The following GADL1 variants were observed in gnomAD, a reference collection of about 807,000 sequenced individuals.
GADL1 encodes GAD like acidic amino acid decarboxylase 1.
GADL1 carries 71 observed loss-of-function variants against 69.5 expected under a neutral mutation model. The observed-to-expected ratio is 1.02, with a 90% CI of 0.84 to 1.25. The LOEUF is 1.25. Ranked by LOEUF, GADL1 falls within the 50% of genes most tolerant of loss-of-function variation. GADL1 has a pLI of 0.00. For synonymous variants in GADL1, 254 were observed against 214.4 expected, an observed-to-expected ratio of 1.18 and a Z score of -1.62; for missense variants, 737 against 631.8, an observed-to-expected ratio of 1.17 and a Z score of -1.79.
intron 1 of GADL1, among the ~76,000 whole-genome samples, chr3:30,872,705 T>A (rs1698509999): frequency 6.6e-6 from 1 of 151,930 alleles, no homozygotes; most frequent in African/African-American, 2.4e-5. Flanking sequence ...CCTGTCTTAT[T>A]TAAGACCTAA....
At position 30,782,202 on chromosome 3, in the gene GADL1, G is replaced by A. The variant is rs1057294639; in HGVS notation, c.1303-3934C>T. Among the ~76,000 whole-genome samples, 3 of 152,180 alleles carry A rather than the reference G, an allele frequency of 2.0e-5. No individual in the cohort carries two copies. In the East Asian group the frequency reaches 5.8e-4, roughly 29 times the overall value. On this transcript the variant is annotated intron_variant, in intron 13 of 14. Transcript: ENST00000282538. Reference sequence around the variant, plus strand: ...TCTAGAGGAACATGGAGTCACTGGAGAGTTTCACTATAGGAAATAGATCTC... The same window carrying A: ...TCTAGAGGAACATGGAGTCACTGGAAAGTTTCACTATAGGAAATAGATCTC...
intron 14 of GADL1, among the ~76,000 whole-genome samples, chr3:30,768,869 A>G (rs1696350306): frequency 6.6e-6 from 1 of 152,150 alleles, no homozygotes; most frequent in African/African-American, 2.4e-5. Context: ...TTAGTGTGTC[A>G]TTTTCCAGCT....
chr3:30,739,120 A>C (rs1695579493), intron 14 of GADL1, among the ~76,000 whole-genome samples: 1 of 152,194 alleles, frequency 6.6e-6, no homozygotes, highest in Non-Finnish European at 1.5e-5. Flanking sequence ...GAACCTGCAT[A>C]TCAGGCTTGG....
intron 4 of GADL1, among the ~76,000 whole-genome samples, chr3:30,851,832 T>A (rs1285545407): frequency 1.3e-5 from 2 of 152,162 alleles, no homozygotes; most frequent in African/African-American, 2.4e-5. Context: ...TCGTCACTCA[T>A]GTTGATCCCA....
Position 30,820,199 on chromosome 3 carries a change from G to A in GADL1, c.1050+13654C>T, listed in dbSNP as rs139646766. ...TGTTAACATAAATTTAGTTTAAGGA[G>A]TAAATTGATAGAATTACCTTATTTG... On this transcript the variant is annotated intron_variant, in intron 11 of 14. Coordinates refer to ENST00000282538, the MANE Select transcript of GADL1 (RefSeq NM_207359.3). Among the ~76,000 whole-genome samples, 557 of 151,934 alleles carry A rather than the reference G, an allele frequency of 3.7e-3. 4 individuals are homozygous for A. The highest frequency in any genetic ancestry group is 4.8e-3 in the Non-Finnish European group (329 of 67,912).
chr3:30,789,691 C>G (rs1696872794), intron 12 of GADL1, among the ~76,000 whole-genome samples: 1 of 152,172 alleles, frequency 6.6e-6, no homozygotes, highest in African/African-American at 2.4e-5. Context: ...ATAACTTGCT[C>G]AGTTTCTCCA....
chr3:30,752,195 G>A (rs1211294243), intron 14 of GADL1, among the ~76,000 whole-genome samples: 1 of 152,052 alleles, frequency 6.6e-6, no homozygotes, highest in Non-Finnish European at 1.5e-5. Flanking sequence ...AGTTCTCTCA[G>A]GTAACTTTAG....
rs533597617 is a variant in GADL1 at position 30,845,760 on chromosome 3, C to T, written c.652-1294G>A. 1.4e-4 allele frequency among the ~76,000 whole-genome samples: 22 copies of T among 152,200 alleles called. 1 individual carries two copies. The highest frequency in any genetic ancestry group is 4.6e-4 in the African/African-American group (19 of 41,528). On this transcript the variant is annotated intron_variant, in intron 6 of 14. Coordinates refer to ENST00000282538, the MANE Select transcript of GADL1 (RefSeq NM_207359.3). ...TGCTCCACCAGCCTATGCTGGCTGGCGGTAACCTGCCTGCCATAGCTAAGG... is the reference window on the plus strand; with the variant it reads ...TGCTCCACCAGCCTATGCTGGCTGGTGGTAACCTGCCTGCCATAGCTAAGG...
At chr3:30,762,472 AAT>A (rs1366913827) in intron 14 of GADL1, among the ~76,000 whole-genome samples, 4 of 152,172 alleles carry the variant, frequency 2.6e-5, no homozygotes, top group African/African-American at 4.8e-5. Context: ...ACATTTTTAT[AAT>A]AAACTTTTAA....
intron 13 of GADL1, among the ~76,000 whole-genome samples, chr3:30,784,922 G>T (rs1696755105): frequency 6.6e-6 from 1 of 152,062 alleles, no homozygotes. Flanking sequence ...TTTTTTGGCT[G>T]CTCAAAGACA....
chr3:30,816,045 A>T (rs1352574548), intron 11 of GADL1, among the ~76,000 whole-genome samples: 1 of 152,088 alleles, frequency 6.6e-6, no homozygotes, highest in Non-Finnish European at 1.5e-5. Flanking sequence ...ATGGGTTACT[A>T]TATTTATCCA....
chr3:30,888,355 T>C (rs565279923), intron 1 of GADL1, among the ~76,000 whole-genome samples: 1 of 152,310 alleles, frequency 6.6e-6, no homozygotes, highest in Admixed American at 6.5e-5. Flanking sequence ...TTGGGTGTTC[T>C]ATGTGTGCAT....
Position 30,765,706 on chromosome 3 carries a change from C to T in GADL1, c.1392+12473G>A, listed in dbSNP as rs1472036836. The stretch of plus-strand genomic sequence containing the variant: ...TATTTTGCATGAGTTTTTGTACTAG[C>T]CAGGCTTGGAAGGGTTGAAACTCAA... On this transcript the variant is annotated intron_variant, in intron 14 of 14. Coordinates refer to ENST00000282538, the MANE Select transcript of GADL1 (RefSeq NM_207359.3). Among the ~76,000 whole-genome samples the T allele has an allele frequency of 2.6e-5, 4 of 152,256 alleles. No individual in the cohort carries two copies. In the East Asian group the frequency reaches 5.8e-4, roughly 22 times the overall value.
At chr3:30,890,517 G>A (rs1698772894) in intron 1 of GADL1, among the ~76,000 whole-genome samples, 1 of 152,322 alleles carries the variant, frequency 6.6e-6, no homozygotes, top group Admixed American at 6.5e-5. Flanking sequence ...ACTCCATTAT[G>A]CCAGTGACCA....
At chr3:30,741,683 A>G (rs1021826033) in intron 14 of GADL1, among the ~76,000 whole-genome samples, 29 of 152,216 alleles carry the variant, frequency 1.9e-4, no homozygotes, top group African/African-American at 6.8e-4. Context: ...GAATTATATT[A>G]AGCCCATGTA....
Position 30,857,015 on chromosome 3 carries a change from T to A in GADL1, c.337A>T (p.Asn113Tyr). The A allele has an allele frequency of 6.5e-7, 1 of 1,549,008 alleles. No homozygotes were observed. Among genetic ancestry groups the A allele is most frequent in the Non-Finnish European group, 8.7e-7 (1 of 1,145,008 alleles). The change falls in exon 3 of 15, where the codon AAC becomes TAC. Residue 113 changes from asparagine to tyrosine, a missense_variant and splice_region_variant. Physicochemically the swap from Asn to Tyr is moderately radical, Grantham distance 143. Coordinates refer to ENST00000282538, the MANE Select transcript of GADL1 (RefSeq NM_207359.3). Reference sequence around the variant, plus strand: ...CAAGGAAGTAAATTAAAGTTCTTACTAGTTTTGACACTGTAGTGTATGACA... The same window carrying A: ...CAAGGAAGTAAATTAAAGTTCTTACAAGTTTTGACACTGTAGTGTATGACA... ...RDVIHYSVKT[N>Y]HPRFFNQLYA...
chr3:30,852,707 T>C (rs1284520540), intron 4 of GADL1, among the ~76,000 whole-genome samples: 3 of 152,092 alleles, frequency 2.0e-5, no homozygotes, highest in Admixed American at 2.0e-4. Context: ...GGAATCAGCC[T>C]GGAGGGTGGA....
intron 14 of GADL1, among the ~76,000 whole-genome samples, chr3:30,764,810 G>A (rs571572145): frequency 4.6e-5 from 7 of 152,184 alleles, no homozygotes; most frequent in Admixed American, 2.6e-4. Context: ...ATCTCCATTC[G>A]GAATTAGGCA....
intron 11 of GADL1, among the ~76,000 whole-genome samples, chr3:30,830,903 T>A (rs566158369): frequency 1.1e-3 from 174 of 152,104 alleles, no homozygotes; most frequent in African/African-American, 4.1e-3. Context: ...TCAGTTGCTG[T>A]ATCAGTAATC....
Sources: allele counts gnomAD v4.1 joint callset (sites outside exome capture counted in the v4.1 genomes callset), GRCh38; gene constraint gnomAD v4.1.1; transcripts MANE v1.5; gene names NCBI Gene and HGNC (gene_info 2026-07-23, HGNC 2026-07-21).